Variants in RTN1 observed in about 807,000 individuals in gnomAD.
RTN1 encodes reticulon 1, also known as reticulon-1.
RTN1 carries 25 observed loss-of-function variants against 65.5 expected under a neutral mutation model. The ratio of observed to expected loss-of-function variants is 0.38; its 90% confidence interval spans 0.28 to 0.53. The LOEUF is 0.53. Among genes scored for constraint, RTN1 ranks in the 20% least tolerant of loss-of-function variants. The probability of loss-of-function intolerance (pLI) is 0.79; values close to 1 mark genes in which losing one functional copy is unlikely to be tolerated. For missense variants in RTN1, 983 were observed against 1,025.4 expected (o/e 0.96, Z 0.57); for synonymous variants, 471 against 447.6 (o/e 1.05, Z -0.66).
chr14:59,772,067 A>T (rs375204599), intron 1 of RTN1, among the ~76,000 whole-genome samples: 27 of 152,256 alleles, frequency 1.8e-4, no homozygotes, highest in Non-Finnish European at 3.1e-4. Context: ...ATCTGAAGAC[A>T]ATAGCACTGA....
In RTN1 at chr14:59,727,379, G is replaced by A; in HGVS notation, c.1305C>T (p.Gly435=). The change falls in exon 3 of 9, where the codon GGC becomes GGT. Residue 435 remains glycine, a synonymous_variant. Coordinates refer to ENST00000267484, the MANE Select transcript of RTN1 (RefSeq NM_021136.3). This position sits in a 1 kb window ranked among gnomAD's most constrained non-coding sequence, Gnocchi z 4.2. ...DALPSGYVSF[G]HVGGPPPSPA... The stretch of plus-strand genomic sequence containing the variant: ...GCGAGGGCGGCGGGCCGCCCACGTG[G>A]CCAAAGCTCACATAGCCTGAGGGCA... 1 of 1,533,688 alleles carries A rather than the reference G, an allele frequency of 6.5e-7. No individual in the cohort carries two copies. The highest frequency in any genetic ancestry group is 8.8e-7 in the Non-Finnish European group (1 of 1,139,504).
chr14:59,824,050 C>T (rs1457732504), intron 1 of RTN1, among the ~76,000 whole-genome samples: 2 of 152,144 alleles, frequency 1.3e-5, no homozygotes, highest in Non-Finnish European at 2.9e-5. Context: ...GCTTAAGTTT[C>T]CTCATATGTC....
chr14:59,840,312 C>T lies in RTN1; in HGVS notation c.241+30078G>A, dbSNP rs560555924. ...ATCCACTCAGAAAGTTGTTGTGAGG[C>T]TTACATAAAATAGAGTCCAGAAGAG... On this transcript the variant is annotated intron_variant, in intron 1 of 8. Transcript: ENST00000267484. Among the ~76,000 whole-genome samples, 9 of 152,258 alleles carry T rather than the reference C, an allele frequency of 5.9e-5. 1 individual carries two copies. The highest frequency in any genetic ancestry group is 3.4e-3 in the Middle Eastern group (1 of 294).
At chr14:59,637,502 A>G (rs1450972405) in intron 3 of RTN1, among the ~76,000 whole-genome samples, 2 of 152,120 alleles carry the variant, frequency 1.3e-5, no homozygotes, top group Admixed American at 1.3e-4. Context: ...TCACGAAGTC[A>G]AGAGATCGAG....
chr14:59,604,139 GGA>G, intron 5 of RTN1: 1 of 306,354 alleles, frequency 3.3e-6, no homozygotes, highest in South Asian at 6.6e-5. Flanking sequence ...AAGGTTTGAG[GGA>G]CTCAAGGAAA....
Position 59,726,928 on chromosome 14 carries a change from T to A in RTN1, c.1756A>T (p.Lys586Ter), listed in dbSNP as rs779678293. Residue 586 changes from lysine to a stop codon, truncating the protein, a stop_gained, in exon 3 of 9, where the codon AAG becomes TAG. Coordinates refer to ENST00000267484, the MANE Select transcript of RTN1 (RefSeq NM_021136.3). LOFTEE classifies it high-confidence loss of function. ...GCTTGGGATCCTTTACCTTTTTGCTTATTGAGAAACAGCAGTGGGGGCGGG... is the reference window on the plus strand; with the variant it reads ...GCTTGGGATCCTTTACCTTTTTGCTAATTGAGAAACAGCAGTGGGGGCGGG... ...GAPPPLLFLNKQKAIDLLYWR... is the reference protein window; with the variant it reads ...GAPPPLLFLN 6.2e-7 allele frequency: 1 copy of A among 1,611,694 alleles called. No individual in the cohort carries two copies.
intron 3 of RTN1, among the ~76,000 whole-genome samples, chr14:59,693,751 A>G (rs1028140435): frequency 6.6e-6 from 1 of 152,188 alleles, no homozygotes; most frequent in African/African-American, 2.4e-5. Context: ...TCCAAGTCCA[A>G]TTCAATATGA....
intron 2 of RTN1, among the ~76,000 whole-genome samples, chr14:59,739,287 G>A (rs1019177519): frequency 3.9e-5 from 6 of 152,142 alleles, no homozygotes; most frequent in Non-Finnish European, 8.8e-5. Context: ...TTGGGATGCC[G>A]AGGCGGGCAG....
intron 1 of RTN1, among the ~76,000 whole-genome samples, chr14:59,863,793 A>G (rs977809750): frequency 6.6e-6 from 1 of 152,216 alleles, no homozygotes; most frequent in East Asian, 1.9e-4. Flanking sequence ...TGCTCTTCCT[A>G]AAGTCTTCCC....
At chr14:59,732,613 C>T (rs1466103807) in intron 2 of RTN1, among the ~76,000 whole-genome samples, 1 of 152,172 alleles carries the variant, frequency 6.6e-6, no homozygotes, top group East Asian at 1.9e-4. Context: ...AGGAGATCCC[C>T]TCATGAGGGC....
intron 3 of RTN1, among the ~76,000 whole-genome samples, chr14:59,689,194 C>G (rs1481467267): frequency 2.6e-5 from 4 of 151,946 alleles, no homozygotes; most frequent in Non-Finnish European, 5.9e-5. Context: ...ATAGACCAGA[C>G]CAAGCAGAAG....
chr14:59,826,097 G>C (rs1262506626), intron 1 of RTN1, among the ~76,000 whole-genome samples: 1 of 152,168 alleles, frequency 6.6e-6, no homozygotes, highest in Non-Finnish European at 1.5e-5. Flanking sequence ...GTTTAGAAAA[G>C]CACCAACAAG....
chr14:59,690,809 A>C (rs1456984386), intron 3 of RTN1, among the ~76,000 whole-genome samples: 1 of 152,222 alleles, frequency 6.6e-6, no homozygotes, highest in East Asian at 1.9e-4. Flanking sequence ...ATATAACTGC[A>C]TGGAAATTAA....
At chr14:59,687,224 G>C (rs1286588662) in intron 3 of RTN1, among the ~76,000 whole-genome samples, 1 of 152,154 alleles carries the variant, frequency 6.6e-6, no homozygotes, top group Non-Finnish European at 1.5e-5. Context: ...TCCATCCCCA[G>C]GCAGAAATCC....
rs75350783 is a variant in RTN1, at chr14:59,638,408, C to A, written c.1766-30916G>T. ...ATGCTGTAAACAGATGTCCTGTTATCCAGGCTTTGATGTTAAATTTATTGA... is the reference window on the plus strand; with the variant it reads ...ATGCTGTAAACAGATGTCCTGTTATACAGGCTTTGATGTTAAATTTATTGA... On this transcript the variant is annotated intron_variant, in intron 3 of 8. Transcript: ENST00000267484. 1.1e-3 allele frequency among the ~76,000 whole-genome samples: 168 copies of A among 152,214 alleles called. 1 individual carries two copies. The East Asian group carries it at 0.03, about 27-fold the overall frequency.
intron 1 of RTN1, among the ~76,000 whole-genome samples, chr14:59,767,232 T>C (rs1422803317): frequency 6.6e-6 from 1 of 152,200 alleles, no homozygotes; most frequent in Non-Finnish European, 1.5e-5. Flanking sequence ...GACTATGTTT[T>C]GAATGAAAGT....
chr14:59,651,442 C>G (rs2140199536), intron 3 of RTN1, among the ~76,000 whole-genome samples: 1 of 151,660 alleles, frequency 6.6e-6, no homozygotes, highest in Non-Finnish European at 1.5e-5. Flanking sequence ...CCCTGGAAGA[C>G]AACCTAGGCA....
At chr14:59,798,457 AGG>A in intron 1 of RTN1, among the ~76,000 whole-genome samples, 1 of 152,352 alleles carries the variant, frequency 6.6e-6, no homozygotes, top group East Asian at 1.9e-4. Flanking sequence ...CCTAAAATCA[AGG>A]GGTTAGTAGC....
intron 1 of RTN1, among the ~76,000 whole-genome samples, chr14:59,797,223 A>G (rs930401266): frequency 6.6e-6 from 1 of 152,214 alleles, no homozygotes; most frequent in Admixed American, 6.5e-5. Context: ...CGTCACCACC[A>G]CTGTACACCA....
Sources: gnomAD v4.1 joint callset for allele counts (sites outside exome capture counted in the v4.1 genomes callset) on GRCh38, gnomAD v4.1.1 for gene constraint, Gnocchi (gnomAD v3.1) non-coding constraint, MANE v1.5 for transcripts, NCBI Gene and HGNC (gene_info 2026-07-23, HGNC 2026-07-21) for gene names.